Variants in MMP2 observed in about 807,000 individuals in gnomAD.
MMP2 encodes 72 kDa type IV collagenase.
Under a neutral mutation model 74.8 loss-of-function variants are expected in MMP2, and 39 were observed. That is an observed-to-expected ratio of 0.52 (90% CI 0.40 to 0.68). The LOEUF is 0.68. MMP2 is among the 30% of genes least tolerant of loss of function. The pLI is 0.00. For missense variants in MMP2, 803 were observed against 878.3 expected (o/e 0.91, Z 1.08); for synonymous variants, 367 against 339.8 (o/e 1.08, Z -0.88).
chr16:55,496,952 G>C lies in MMP2; in HGVS notation c.1499G>C (p.Arg500Pro), dbSNP rs28730814. ...TTCATTTGGCGGACTGTGACGCCACGTGACAAGCCCATGGGGCCCCTGCTG... is the reference window on the plus strand; with the variant it reads ...TTCATTTGGCGGACTGTGACGCCACCTGACAAGCCCATGGGGCCCCTGCTG... Reference protein sequence around the residue: ...DRFIWRTVTPRDKPMGPLLVA... With the variant: ...DRFIWRTVTPPDKPMGPLLVA... The change falls in exon 10 of 13, where the codon CGT (arginine) becomes CCT (proline). Residue 500 changes from arginine to proline, a missense_variant. Physicochemically the swap from Arg to Pro is moderately radical, Grantham distance 103. Transcript: ENST00000219070. The C allele has an allele frequency of 6.1e-5, 98 of 1,614,076 alleles. 1 individual carries two copies. In the Middle Eastern group the frequency reaches 6.6e-4, roughly 11 times the overall value.
Position 55,489,809 on chromosome 16 carries a change from T to G in MMP2, c.1165T>G (p.Phe389Val). The G allele has an allele frequency of 1.2e-6, 2 of 1,614,078 alleles. No homozygotes were observed. The highest frequency in any genetic ancestry group is 1.7e-6 in the Non-Finnish European group (2 of 1,179,988). Residue 389 changes from phenylalanine (F) to valine (V), a missense_variant, in exon 7 of 13, where the codon TTC becomes GTC. Physicochemically the swap from Phe to Val is conservative, Grantham distance 50 (BLOSUM62 -1). Around this residue, in one of 3 missense-constraint regions of MMP2, gnomAD observed 555 missense variants for 592.0 expected, o/e 0.94. Transcript: ENST00000219070. ...CTACGATGATGACCGCAAGTGGGGC[T>G]TCTGCCCTGACCAAGGTACGAGGCC... ...ANYDDDRKWG[F>V]CPDQGYSLFL...
Position 55,486,428 on chromosome 16 carries a change from ACTGT to A in MMP2, c.832+654_832+657del, listed in dbSNP as rs555325018. On this transcript the variant is annotated intron_variant, in intron 5 of 12. Transcript: ENST00000219070. ...GCTATACTATCTGCCTCTCTTGGGC[ACTGT>A]CTTTTTCTGCCTCCTGTCTAGCTTG... 3.7e-3 allele frequency among the ~76,000 whole-genome samples: 525 copies of A among 143,078 alleles called. 1 individual carries two copies. The highest frequency in any genetic ancestry group is 0.013 in the African/African-American group (485 of 38,152). The allele number at this position is 143,078 out of a possible 152,430, so 93.9% of individuals were successfully genotyped here.
rs979052768 is a variant in MMP2, at chr16:55,498,531, G to A, written c.1769+83G>A. On this transcript the variant is annotated intron_variant, in intron 11 of 12. Coordinates refer to ENST00000219070, the MANE Select transcript of MMP2 (RefSeq NM_004530.6). ...CGCCCTGAGGCTTCAAGCCTCCTGG[G>A]CTGAGTTCAGAGGTTGGTGGGCTCT... 18 of 1,596,080 alleles carry A rather than the reference G, an allele frequency of 1.1e-5. No homozygotes were observed. In the African/African-American group the frequency reaches 1.6e-4, roughly 14 times the overall value.
chr16:55,490,312 G>A (rs1962373653), intron 7 of MMP2, among the ~76,000 whole-genome samples: 1 of 152,190 alleles, frequency 6.6e-6, no homozygotes, highest in African/African-American at 2.4e-5. Context: ...CTGACACCAT[G>A]GTCCACGCAG....
Position 55,502,678 on chromosome 16 carries a change from A to T in MMP2, c.1770-101A>T, listed in dbSNP as rs17860000. ...CCTGAAGGGCTAGGTCCAGTTTCCG[A>T]GGCCTATCCAGGAGCCATCAGCTGG... On this transcript the variant is annotated intron_variant, in intron 11 of 12. Transcript: ENST00000219070. The T allele has an allele frequency of 6.6e-5, 68 of 1,027,700 alleles. No individual in the cohort carries two copies. The South Asian group carries it at 8.1e-4, about 12-fold the overall frequency. 63.7% of individuals were successfully genotyped at this position (1,027,700 alleles called of 1,614,324 possible).
chr16:55,502,406 T>C, intron 11 of MMP2, among the ~76,000 whole-genome samples: 1 of 152,238 alleles, frequency 6.6e-6, no homozygotes, highest in East Asian at 1.9e-4. Context: ...CTGTTTTATT[T>C]AATGCATGCA....
At chr16:55,499,673 C>A (rs6499763) in intron 11 of MMP2, among the ~76,000 whole-genome samples, 53,976 of 152,024 alleles carry the variant, frequency 0.36, 10,048 homozygotes, top group Non-Finnish European at 0.41. Flanking sequence ...GAAAAGGAAA[C>A]GGAGGTCCAA....
intron 11 of MMP2, among the ~76,000 whole-genome samples, 169 bp from the exon 12 acceptor site, chr16:55,502,610 G>T (rs1243938394): frequency 6.6e-6 from 1 of 152,102 alleles, no homozygotes; most frequent in African/African-American, 2.4e-5. Context: ...CTCAGACTCA[G>T]GTCTGATTCC....
rs1397247002 is a variant in MMP2 at position 55,485,637 on chromosome 16, A to G, written c.692A>G (p.Glu231Gly). The G allele has an allele frequency of 6.2e-7, 1 of 1,614,120 alleles. No homozygotes were observed. Among genetic ancestry groups the G allele is most frequent in the Non-Finnish European group, 8.5e-7 (1 of 1,180,012 alleles). The change falls in exon 5 of 13, where the codon GAG becomes GGG. Residue 231 changes from glutamate (E) to glycine (G), a missense_variant. Physicochemically the swap from Glu to Gly is moderately conservative, Grantham distance 98. Coordinates refer to ENST00000219070, the MANE Select transcript of MMP2 (RefSeq NM_004530.6). Reference protein sequence around the residue: ...VRVKYGNADGEYCKFPFLFNG... With the variant: ...VRVKYGNADGGYCKFPFLFNG... ...GTGAAGTATGGGAACGCCGATGGGG[A>G]GTACTGCAAGTTCCCCTTCTTGTTC...
At chr16:55,483,921 A>G in intron 2 of MMP2, 95 bp from the exon 3 acceptor site, 1 of 1,410,348 alleles carries the variant, frequency 7.1e-7, no homozygotes, top group Non-Finnish European at 1.0e-6. Flanking sequence ...ACACACACTC[A>G]AACTTTTTCA....
At chr16:55,496,546 C>T (rs1382238613) in intron 9 of MMP2, among the ~76,000 whole-genome samples, 1 of 152,176 alleles carries the variant, frequency 6.6e-6, no homozygotes, top group Non-Finnish European at 1.5e-5. Flanking sequence ...ACTTGAGTGT[C>T]ATCAGCTCCT....
At chr16:55,500,520 C>CACACACACACAT (rs1348857171) in intron 11 of MMP2, among the ~76,000 whole-genome samples, 1 of 151,902 alleles carries the variant, frequency 6.6e-6, no homozygotes, top group African/African-American at 2.4e-5. Flanking sequence ...CACACACACA[C>CACACACACACAT]ACACACACAC....
chr16:55,489,401 T>C (rs1962343372), intron 6 of MMP2, among the ~76,000 whole-genome samples: 1 of 152,156 alleles, frequency 6.6e-6, no homozygotes, highest in Non-Finnish European at 1.5e-5. Context: ...GCTCTGATAC[T>C]TCCTAGCAGT....
chr16:55,489,374 C>T (rs1962343026), intron 6 of MMP2, among the ~76,000 whole-genome samples: 1 of 152,230 alleles, frequency 6.6e-6, no homozygotes, highest in Admixed American at 6.5e-5. Flanking sequence ...AATCTGGCTT[C>T]CTGGGTTTGA....
chr16:55,504,560 C>T (rs1265046341), intron 12 of MMP2, among the ~76,000 whole-genome samples: 6 of 152,084 alleles, frequency 3.9e-5, no homozygotes. Flanking sequence ...TCCCTTCTTC[C>T]ACTCCCAGAG....
chr16:55,490,731 C>T (rs1962384764), intron 7 of MMP2, among the ~76,000 whole-genome samples: 1 of 152,122 alleles, frequency 6.6e-6, no homozygotes, highest in African/African-American at 2.4e-5. Flanking sequence ...CAGAGGCTGG[C>T]CAAAGGAGGT....
intron 5 of MMP2, among the ~76,000 whole-genome samples, 178 bp downstream of exon 5, chr16:55,485,955 T>C (rs1185519637): frequency 6.6e-6 from 1 of 152,168 alleles, no homozygotes; most frequent in Non-Finnish European, 1.5e-5. Context: ...TTGCTGTTTC[T>C]CTCCCACCAG....
chr16:55,498,410 CAAG>C lies in MMP2; in HGVS notation c.1736_1738del (p.Lys579del). 1 of 1,614,228 alleles carries C rather than the reference CAAG, an allele frequency of 6.2e-7. No individual in the cohort carries two copies. Among genetic ancestry groups the C allele is most frequent in the Non-Finnish European group, 8.5e-7 (1 of 1,180,046 alleles). ...ATGCCGCCTTTAACTGGAGCAAAAA[CAAG>C]AAGACATACATCTTTGCTGGAGACA... On this transcript the variant is annotated inframe_deletion, in exon 11 of 13. Transcript: ENST00000219070.
intron 5 of MMP2, 113 bp from the exon 6 acceptor site, chr16:55,488,430 T>C: frequency 9.5e-7 from 1 of 1,058,102 alleles, no homozygotes; most frequent in Non-Finnish European, 1.4e-6. Context: ...TTTCTTAATA[T>C]TTTAACAATG....
Sources: allele counts gnomAD v4.1 joint callset (sites outside exome capture counted in the v4.1 genomes callset), GRCh38; gene constraint gnomAD v4.1.1; regional missense constraint gnomAD v4.1.1; transcripts MANE v1.5; gene names NCBI Gene and HGNC (gene_info 2026-07-23, HGNC 2026-07-21).